ALKBH8: variants seen among roughly 807,000 people sequenced by gnomAD.
ALKBH8 encodes alkB homolog 8, tRNA methyltransferase, also known as tRNA (carboxymethyluridine(34)-5-O)-methyltransferase ALKBH8.
ALKBH8 carries 36 observed loss-of-function variants against 59.8 expected under a neutral mutation model. The ratio of observed to expected loss-of-function variants is 0.60; its 90% CI spans 0.46 to 0.79. ALKBH8 has a LOEUF of 0.79. ALKBH8 is among the 30% of genes least tolerant of loss of function. The pLI, the probability that ALKBH8 is intolerant of heterozygous loss-of-function variation, is 0.00. For missense variants in ALKBH8, 768 were observed against 801.0 expected (o/e 0.96, Z 0.50); for synonymous variants, 276 against 273.6 (o/e 1.01, Z -0.09).
At chr11:107,517,049 C>A (rs1328643478) in intron 10 of ALKBH8, among the ~76,000 whole-genome samples, 1 of 151,850 alleles carries the variant, frequency 6.6e-6, no homozygotes, top group African/African-American at 2.4e-5. Context: ...CAAAGCAAAA[C>A]AAAAACAAAA....
Position 107,524,143 on chromosome 11 carries a change from C to G in ALKBH8, c.1030+1298G>C, listed in dbSNP as rs978406810. ...GCGCGATCATAGCTCACTGCAGCCT[C>G]AAACTCCTAGGCTCACACAATCCTC... On this transcript the variant is annotated intron_variant, in intron 9 of 11. Transcript: ENST00000428149. Among the ~76,000 whole-genome samples, 22 of 152,210 alleles carry G rather than the reference C, an allele frequency of 1.4e-4. No homozygotes were observed. In the South Asian group the frequency reaches 1.4e-3, roughly 10 times the overall value.
At chr11:107,551,472 T>G (rs567363579) in intron 6 of ALKBH8, among the ~76,000 whole-genome samples, 134 of 152,156 alleles carry the variant, frequency 8.8e-4, no homozygotes, top group Middle Eastern at 3.4e-3. Flanking sequence ...GGCGGGCAGA[T>G]CACCTGAGGT....
rs193100836 is a variant in ALKBH8 at position 107,518,635 on chromosome 11, G to A, written c.1287+3664C>T. On this transcript the variant is annotated intron_variant, in intron 10 of 11. Coordinates refer to ENST00000428149, the MANE Select transcript of ALKBH8 (RefSeq NM_138775.3). ...AGCATGAGCAATCTGTGCATTAAGG[G>A]CATGCTCCTGCTGCAGGTAACTACC... Among the ~76,000 whole-genome samples, 1,210 of 152,368 alleles carry A rather than the reference G, an allele frequency of 7.9e-3. 18 individuals carry two copies. The highest frequency in any genetic ancestry group is 0.028 in the African/African-American group (1,145 of 41,578).
rs1168288445 is a variant in ALKBH8, at chr11:107,525,298, C to T, written c.1030+143G>A. 12 of 628,416 alleles carry T rather than the reference C, an allele frequency of 1.9e-5. No individual in the cohort carries two copies. In the South Asian group the frequency reaches 3.1e-4, roughly 16 times the overall value. The allele number at this position is 628,416 out of a possible 1,614,324, so 38.9% of individuals were successfully genotyped here. On this transcript the variant is annotated intron_variant, in intron 9 of 11. Transcript: ENST00000428149. Reference sequence around the variant, plus strand: ...CTAATGAGGGTCGTTAAGAAAAGTGCATGAAAGTGCAATACAAGGCAAAAT... The same window carrying T: ...CTAATGAGGGTCGTTAAGAAAAGTGTATGAAAGTGCAATACAAGGCAAAAT...
At chr11:107,560,636 G>A in intron 2 of ALKBH8, 129 bp downstream of exon 2, 1 of 839,962 alleles carries the variant, frequency 1.2e-6, no homozygotes, top group Non-Finnish European at 1.7e-6. Flanking sequence ...CATATCATAT[G>A]TACCTCTAAT....
chr11:107,562,310 A>AAAAT (rs892836201), intron 1 of ALKBH8, among the ~76,000 whole-genome samples: 2 of 151,910 alleles, frequency 1.3e-5, no homozygotes, highest in African/African-American at 4.8e-5. Context: ...AAAAAAAAAA[A>AAAAT]AAGTATGTAA....
At chr11:107,553,317 T>C in intron 4 of ALKBH8, 114 bp from the exon 5 acceptor site, 1 of 582,646 alleles carries the variant, frequency 1.7e-6, no homozygotes, top group Non-Finnish European at 2.9e-6. Context: ...TTCTGTTAAT[T>C]GGTAAATTAT....
intron 7 of ALKBH8, among the ~76,000 whole-genome samples, chr11:107,538,887 G>A (rs570494134): frequency 1.6e-4 from 25 of 152,158 alleles, no homozygotes; most frequent in Non-Finnish European, 3.1e-4. Context: ...CTGGACAGGG[G>A]ACAATATGAT....
chr11:107,508,173 CTTT>C (rs34261151), intron 11 of ALKBH8, among the ~76,000 whole-genome samples: 2 of 134,314 alleles, frequency 1.5e-5, no homozygotes, highest in Non-Finnish European at 1.6e-5. Flanking sequence ...TTTTCAATGC[CTTT>C]TTTTTTTTTT....
At chr11:107,551,421 C>T (rs957323275) in intron 6 of ALKBH8, among the ~76,000 whole-genome samples, 23 of 152,068 alleles carry the variant, frequency 1.5e-4, no homozygotes, top group African/African-American at 5.3e-4. Context: ...TGGCTGGGCG[C>T]GGTGGCTCAT....
chr11:107,514,065 A>C (rs1014187886), intron 10 of ALKBH8, among the ~76,000 whole-genome samples: 1 of 152,136 alleles, frequency 6.6e-6, no homozygotes, highest in Non-Finnish European at 1.5e-5. Flanking sequence ...AAAAAAATTT[A>C]ATCTGGCCTT....
rs1864914884 is a variant in ALKBH8 at position 107,560,981 on chromosome 11, T to C, written c.-6-82A>G. 9.6e-6 allele frequency: 12 copies of C among 1,249,052 alleles called. No homozygotes were observed. The South Asian group carries it at 1.6e-4, about 16-fold the overall frequency. 77.4% of individuals were successfully genotyped at this position (1,249,052 alleles called of 1,614,324 possible). ...ATAATGATGTTATTCATACATTCTA[T>C]AGTTTATCAATATTTCTGTGACAAT... On this transcript the variant is annotated intron_variant, in intron 1 of 11. Coordinates refer to ENST00000428149, the MANE Select transcript of ALKBH8 (RefSeq NM_138775.3).
At chr11:107,544,855 AC>A in intron 7 of ALKBH8, among the ~76,000 whole-genome samples, 1 of 149,602 alleles carries the variant, frequency 6.7e-6, no homozygotes, top group South Asian at 2.1e-4. Context: ...ACACACACAC[AC>A]ACACAAAGAA....
At chr11:107,527,314 A>G (rs1459568260) in intron 8 of ALKBH8, among the ~76,000 whole-genome samples, 1 of 151,922 alleles carries the variant, frequency 6.6e-6, no homozygotes, top group Non-Finnish European at 1.5e-5. Context: ...ATTCGCAGGG[A>G]ATGTGCTAAT....
intron 4 of ALKBH8, among the ~76,000 whole-genome samples, chr11:107,553,619 T>C (rs1864584114): frequency 2.0e-5 from 3 of 152,170 alleles, no homozygotes; most frequent in Admixed American, 1.3e-4. Context: ...TTATAAAAGC[T>C]ATATAAATGT....
rs1864904451 is a variant in ALKBH8, at chr11:107,560,821, C to CT, written c.72dup (p.Ala25SerfsTer9). 9.9e-6 allele frequency: 16 copies of CT among 1,613,226 alleles called. No individual in the cohort carries two copies. Among genetic ancestry groups the CT allele is most frequent in the Non-Finnish European group, 1.4e-5 (16 of 1,179,614 alleles). On this transcript the variant is annotated frameshift_variant, in exon 2 of 12. Coordinates refer to ENST00000428149, the MANE Select transcript of ALKBH8 (RefSeq NM_138775.3). LOFTEE classifies it high-confidence loss of function. ...TCATGTCTCAGCAAAGTATGCTTGGCTTTAATCTGTTTCCTTAAGAACTTC... is the reference window on the plus strand; with the variant it reads ...TCATGTCTCAGCAAAGTATGCTTGGCTTTTAATCTGTTTCCTTAAGAACTTC...
chr11:107,510,287 C>A (rs1368589456), intron 11 of ALKBH8, among the ~76,000 whole-genome samples: 1 of 151,758 alleles, frequency 6.6e-6, no homozygotes, highest in African/African-American at 2.4e-5. Flanking sequence ...AATAAGTGGT[C>A]TTTTGTTCTT....
In ALKBH8 at chr11:107,530,494, G is replaced by A. The variant is rs1863539838; in HGVS notation, c.878+1806C>T. Among the ~76,000 whole-genome samples the A allele has an allele frequency of 2.6e-5, 4 of 151,740 alleles. No individual in the cohort carries two copies. The South Asian group carries it at 8.3e-4, about 32-fold the overall frequency. ...CAAAGATTCTGATAAACATCTCAAT[G>A]ATTGGTGTATCATTGGTTATCTCTC... On this transcript the variant is annotated intron_variant, in intron 8 of 11. Coordinates refer to ENST00000428149, the MANE Select transcript of ALKBH8 (RefSeq NM_138775.3).
intron 2 of ALKBH8, among the ~76,000 whole-genome samples, chr11:107,557,791 G>GAGGA (rs1864777709): frequency 6.6e-6 from 1 of 152,196 alleles, no homozygotes; most frequent in Non-Finnish European, 1.5e-5. Context: ...AGGGATGAAA[G>GAGGA]AGGAGTCTCT....
Sources: allele counts gnomAD v4.1 joint callset (sites outside exome capture counted in the v4.1 genomes callset), GRCh38; gene constraint gnomAD v4.1.1; transcripts MANE v1.5; gene names NCBI Gene and HGNC (gene_info 2026-07-23, HGNC 2026-07-21).